Variants in MYT1L observed in about 807,000 individuals in gnomAD.
MYT1L encodes the protein myelin transcription factor 1 like, also known as myelin transcription factor 1-like protein.
A neutral mutation model predicts 126.7 loss-of-function variants in MYT1L; 12 were observed. That is an observed-to-expected ratio of 0.09 (90% CI 0.06 to 0.15). The LOEUF (loss-of-function observed/expected upper bound fraction) is 0.15, where lower values mean the gene tolerates loss of function less well. Among genes scored for constraint, MYT1L ranks in the 10% least tolerant of loss-of-function variants. The pLI, the probability that MYT1L is intolerant of heterozygous loss-of-function variation, is 1.00. For synonymous variants in MYT1L, 541 were observed against 604.2 expected, an observed-to-expected ratio of 0.90 and a Z score of 1.53; for missense variants, 979 against 1,585.2, an observed-to-expected ratio of 0.62 and a Z score of 6.49.
intron 1 of MYT1L, among the ~76,000 whole-genome samples, chr2:2,316,891 A>G (rs555019639): frequency 5.3e-5 from 8 of 151,716 alleles, no homozygotes; most frequent in African/African-American, 1.9e-4. Context: ...GCTTACTACA[A>G]TCTCCGCCTC....
intron 3 of MYT1L, among the ~76,000 whole-genome samples, chr2:2,070,197 G>C (rs1183066901): frequency 2.0e-5 from 3 of 152,104 alleles, no homozygotes; most frequent in Non-Finnish European, 2.9e-5. Context: ...AGAGAGATTA[G>C]CTGTAATAGT....
At chr2:2,083,365 A>G (rs765880508) in intron 3 of MYT1L, among the ~76,000 whole-genome samples, 1 of 152,180 alleles carries the variant, frequency 6.6e-6, no homozygotes, top group Non-Finnish European at 1.5e-5. Context: ...TGGCCTGCAC[A>G]TGCGCAGGAA....
chr2:2,052,030 T>C (rs919536276), intron 4 of MYT1L, among the ~76,000 whole-genome samples: 11 of 152,202 alleles, frequency 7.2e-5, no homozygotes, highest in Non-Finnish European at 1.2e-4. Context: ...ATTTCATACT[T>C]TCTGATTTGA....
intron 3 of MYT1L, among the ~76,000 whole-genome samples, chr2:2,170,720 T>C (rs538196130): frequency 2.0e-5 from 3 of 152,304 alleles, no homozygotes; most frequent in East Asian, 3.9e-4. Context: ...ATAGAGAAAA[T>C]AGATATTGAC....
At chr2:1,797,427 A>G (rs898985884) in intron 23 of MYT1L, among the ~76,000 whole-genome samples, 5 of 152,134 alleles carry the variant, frequency 3.3e-5, no homozygotes, top group South Asian at 2.1e-4. Context: ...TCACCGTGTT[A>G]GCCAGGATGG....
chr2:2,089,145 C>T (rs900233722), intron 3 of MYT1L, among the ~76,000 whole-genome samples: 1 of 152,078 alleles, frequency 6.6e-6, no homozygotes, highest in Non-Finnish European at 1.5e-5. Context: ...ATGAAATGTG[C>T]GGTTATTTGG....
chr2:2,278,955 C>T (rs1008629394), intron 2 of MYT1L, among the ~76,000 whole-genome samples: 2 of 152,152 alleles, frequency 1.3e-5, no homozygotes, highest in Admixed American at 6.5e-5. Flanking sequence ...CACGCTTTCC[C>T]TTGCCCAGCT....
intron 2 of MYT1L, among the ~76,000 whole-genome samples, chr2:2,212,106 G>A (rs1263679958): frequency 1.3e-5 from 2 of 152,116 alleles, no homozygotes; most frequent in Non-Finnish European, 2.9e-5. Context: ...TGGGAAAATG[G>A]CGGTGTCTAT....
chr2:2,019,894 G>T lies in MYT1L; in HGVS notation c.-157-22547C>A, dbSNP rs139805985. 3.3e-4 allele frequency among the ~76,000 whole-genome samples: 50 copies of T among 152,074 alleles called. No homozygotes were observed. In the East Asian group the frequency reaches 9.3e-3, roughly 28 times the overall value. On this transcript the variant is annotated intron_variant, in intron 4 of 24. Transcript: ENST00000647738. ...TATGGTATGCTCTGTCACCCAGGCT[G>T]GAGTGCAGTAGCAGATCTCAGCTCG...
rs139467850 is a variant in MYT1L at position 2,165,115 on chromosome 2, G to A, written c.-304+7757C>T. The stretch of plus-strand genomic sequence containing the variant: ...CAGGGGCACCAGAAGTGGAGCTCAC[G>A]GGCCTCCCCAGCCAAAGACAATTAG... On this transcript the variant is annotated intron_variant, in intron 3 of 24. Coordinates refer to ENST00000647738, the MANE Select transcript of MYT1L (RefSeq NM_001303052.2). 3.9e-3 allele frequency among the ~76,000 whole-genome samples: 601 copies of A among 152,246 alleles called. 4 individuals carry two copies. Among genetic ancestry groups the A allele is most frequent in the African/African-American group, 0.014 (571 of 41,536 alleles).
chr2:1,923,437 C>A (rs370958050), intron 9 of MYT1L, among the ~76,000 whole-genome samples, 174 bp from the exon 10 acceptor site: 1 of 152,152 alleles, frequency 6.6e-6, no homozygotes, highest in Admixed American at 6.5e-5. Context: ...ATAAAGAAAA[C>A]GGATGTTGCT....
chr2:2,228,831 G>A lies in MYT1L; in HGVS notation c.-421+55573C>T, dbSNP rs949662477. ...GGTAACAGGGAAGTATTGATTATTTGCCCAGCCAATACAATAAATTTGTGC... is the reference window on the plus strand; with the variant it reads ...GGTAACAGGGAAGTATTGATTATTTACCCAGCCAATACAATAAATTTGTGC... On this transcript the variant is annotated intron_variant, in intron 2 of 24. Coordinates refer to ENST00000647738, the MANE Select transcript of MYT1L (RefSeq NM_001303052.2). The surrounding 1 kb of genome is among the most constrained non-coding windows in gnomAD (Gnocchi z 5.9). Among the ~76,000 whole-genome samples the A allele has an allele frequency of 6.6e-6, 1 of 152,012 alleles. No individual in the cohort carries two copies. Among genetic ancestry groups the A allele is most frequent in the Non-Finnish European group, 1.5e-5 (1 of 68,012 alleles).
intron 2 of MYT1L, among the ~76,000 whole-genome samples, chr2:2,240,624 C>T (rs2094420625): frequency 6.6e-6 from 1 of 152,194 alleles, no homozygotes; most frequent in African/African-American, 2.4e-5. Flanking sequence ...AACGATAATG[C>T]AGCTCTTACT....
chr2:2,224,947 T>C lies in MYT1L; in HGVS notation c.-420-51959A>G, dbSNP rs2093971159. Among the ~76,000 whole-genome samples, 1 of 152,102 alleles carries C rather than the reference T, an allele frequency of 6.6e-6. No individual in the cohort carries two copies. Among genetic ancestry groups the C allele is most frequent in the African/African-American group, 2.4e-5 (1 of 41,426 alleles). ...TGAGCCTCATGCTTGTTTGCTGGGCTCCACGCTGGGTTTGAGGTTCTGTCA... is the reference window on the plus strand; with the variant it reads ...TGAGCCTCATGCTTGTTTGCTGGGCCCCACGCTGGGTTTGAGGTTCTGTCA... On this transcript the variant is annotated intron_variant, in intron 2 of 24. Transcript: ENST00000647738. This position sits in a 1 kb window ranked among gnomAD's most constrained non-coding sequence, Gnocchi z 4.0.
In MYT1L at chr2:2,127,908, T is replaced by A. The variant is rs192887094; in HGVS notation, c.-304+44964A>T. 3.9e-5 allele frequency among the ~76,000 whole-genome samples: 6 copies of A among 152,368 alleles called. No homozygotes were observed. In the East Asian group the frequency reaches 1.2e-3, roughly 29 times the overall value. The stretch of plus-strand genomic sequence containing the variant: ...TGAATTCAGTTTGCCATTTCCTAGC[T>A]GCCTGAAATTAAGTCACTGATCCTA... On this transcript the variant is annotated intron_variant, in intron 3 of 24. Coordinates refer to ENST00000647738, the MANE Select transcript of MYT1L (RefSeq NM_001303052.2).
At chr2:1,945,711 AG>A (rs2057149193) in intron 8 of MYT1L, among the ~76,000 whole-genome samples, 1 of 152,200 alleles carries the variant, frequency 6.6e-6, no homozygotes, top group Non-Finnish European at 1.5e-5. Context: ...GGCACCTGCT[AG>A]GTACTCCATG....
intron 21 of MYT1L, among the ~76,000 whole-genome samples, chr2:1,829,280 C>A: frequency 6.6e-6 from 1 of 151,414 alleles, no homozygotes; most frequent in African/African-American, 2.4e-5. Flanking sequence ...AACTGACCCT[C>A]CCATACACCT....
At chr2:1,984,588 C>G (rs556077285) in intron 5 of MYT1L, among the ~76,000 whole-genome samples, 1 of 144,182 alleles carries the variant, frequency 6.9e-6, no homozygotes, top group Admixed American at 7.1e-5. Context: ...GGGCTCACTA[C>G]AAGCTCCGCC....
intron 13 of MYT1L, among the ~76,000 whole-genome samples, chr2:1,908,505 A>G (rs1412718264): frequency 6.6e-6 from 1 of 152,198 alleles, no homozygotes; most frequent in Non-Finnish European, 1.5e-5. Context: ...AAGAAAGGCC[A>G]GATACTAGAG....
Sources: allele counts gnomAD v4.1 joint callset (sites outside exome capture counted in the v4.1 genomes callset), GRCh38; gene constraint gnomAD v4.1.1; non-coding constraint Gnocchi (gnomAD v3.1); transcripts MANE v1.5; gene names NCBI Gene and HGNC (gene_info 2026-07-23, HGNC 2026-07-21).